GSDME: variants seen among roughly 807,000 people sequenced by gnomAD.
GSDME encodes gasdermin-E.
A neutral mutation model predicts 47.5 loss-of-function variants in GSDME; 44 were observed. The observed-to-expected ratio is 0.93, with a 90% CI of 0.73 to 1.19. The LOEUF (loss-of-function observed/expected upper bound fraction) is 1.19, where lower values mean the gene tolerates loss of function less well. Ranked by LOEUF, GSDME falls within the 50% of genes most tolerant of loss-of-function variation. The pLI, the probability that GSDME is intolerant of heterozygous loss-of-function variation, is 0.00. For missense variants in GSDME, 663 were observed against 604.2 expected, an observed-to-expected ratio of 1.10 and a Z score of -1.02; for synonymous variants, 258 against 252.8, an observed-to-expected ratio of 1.02 and a Z score of -0.20.
Position 24,717,294 on chromosome 7 carries a change from G to A in GSDME, c.657C>T (p.Tyr219=), listed in dbSNP as rs370243045. 1.4e-5 allele frequency: 23 copies of A among 1,613,438 alleles called. No individual in the cohort carries two copies. The highest frequency in any genetic ancestry group is 6.7e-5 in the African/African-American group (5 of 74,862). ...LEIPAATTIA[Y]GVIELYVKLD... ...GTTTCACGTATAACTCAATGACACC[G>A]TAGGCAATGGTGGTGGCAGCTGGGA... Residue 219 remains tyrosine (Y), a synonymous_variant, in exon 5 of 10, where the codon TAC becomes TAT. Coordinates refer to ENST00000645220, the MANE Select transcript of GSDME (RefSeq NM_001127453.2).
chr7:24,710,465 C>A (rs1789309112), intron 5 of GSDME, 77 bp from the exon 6 acceptor site: 1 of 1,425,622 alleles, frequency 7.0e-7, no homozygotes, highest in Admixed American at 1.7e-5. Flanking sequence ...AGGGTCAGCC[C>A]AGCCTTGATG....
intron 3 of GSDME, among the ~76,000 whole-genome samples, chr7:24,727,772 G>C (rs754181096): frequency 6.6e-5 from 10 of 152,198 alleles, no homozygotes; most frequent in Non-Finnish European, 1.5e-4. Flanking sequence ...TAAAATCCTG[G>C]AACACACACA....
chr7:24,704,221 T>C (rs1562685698), intron 8 of GSDME: 1 of 152,222 alleles, frequency 6.6e-6, no homozygotes, highest in Non-Finnish European at 1.5e-5. Context: ...ACTGAAATTA[T>C]TTTGATTGCT....
rs1202653209 is a variant in GSDME at position 24,701,201 on chromosome 7, C to T, written c.1257+1559G>A. 8.5e-5 allele frequency among the ~76,000 whole-genome samples: 13 copies of T among 152,254 alleles called. No homozygotes were observed. The East Asian group carries it at 2.5e-3, about 29-fold the overall frequency. On this transcript the variant is annotated intron_variant, in intron 9 of 9. Transcript: ENST00000645220. ...AAATTCCTTCAGGAGGCAGACACCT[C>T]GATGTCTTAAATAGAGCTATTGCAA...
At chr7:24,761,107 A>G (rs1295496268), upstream of GSDME, among the ~76,000 whole-genome samples, 1 of 152,218 alleles carries the variant, frequency 6.6e-6, no homozygotes, top group Non-Finnish European at 1.5e-5. This position sits in a 1 kb window ranked among gnomAD's most constrained non-coding sequence, Gnocchi z 4.4. Context: ...ACTTTACTAT[A>G]TCTCACAATT....
chr7:24,787,851 C>T, the GSDME span, among the ~76,000 whole-genome samples: 1 of 152,070 alleles, frequency 6.6e-6, no homozygotes, highest in South Asian at 2.1e-4. The surrounding 1 kb of genome is among the most constrained non-coding windows in gnomAD (Gnocchi z 5.0). Context: ...GGATTACAGG[C>T]ACGTGCCACC....
chr7:24,728,794 C>T lies in GSDME; in HGVS notation c.405-9576G>A, dbSNP rs2237317. On this transcript the variant is annotated intron_variant, in intron 3 of 9. Coordinates refer to ENST00000645220, the MANE Select transcript of GSDME (RefSeq NM_001127453.2). This position sits in a 1 kb window ranked among gnomAD's most constrained non-coding sequence, Gnocchi z 7.2. ...ACATCAGAGATGCTCAGCCCACAGCCGGGGGCAGGAAATCTCTAGAAACCT... is the reference window on the plus strand; with the variant it reads ...ACATCAGAGATGCTCAGCCCACAGCTGGGGGCAGGAAATCTCTAGAAACCT... Among the ~76,000 whole-genome samples the T allele has an allele frequency of 0.061, 9,236 of 152,258 alleles. 747 individuals are homozygous for T. The highest frequency in any genetic ancestry group is 0.25 in the East Asian group (1,320 of 5,180).
In GSDME at chr7:24,749,555, G is replaced by A; in HGVS notation, c.211+9C>T. Reference sequence around the variant, plus strand: ...AGACTAATTATAGAATATACCCAAGGAAACATACCTGGACTCGGAAATTGG... The same window carrying A: ...AGACTAATTATAGAATATACCCAAGAAAACATACCTGGACTCGGAAATTGG... On this transcript the variant is annotated intron_variant, in intron 2 of 9. Coordinates refer to ENST00000645220, the MANE Select transcript of GSDME (RefSeq NM_001127453.2). 1 of 1,602,438 alleles carries A rather than the reference G, an allele frequency of 6.2e-7. No homozygotes were observed. The highest frequency in any genetic ancestry group is 8.5e-7 in the Non-Finnish European group (1 of 1,171,154).
At chr7:24,775,590 AGC>A in the GSDME span, among the ~76,000 whole-genome samples, 1,146 of 152,206 alleles carry the variant, frequency 7.5e-3, 21 homozygotes, top group African/African-American at 0.026. Flanking sequence ...GCTAAGGGCC[AGC>A]GCGGTGGCTC....
chr7:24,698,659 C>G lies in GSDME; in HGVS notation c.*367G>C, dbSNP rs771701952. On this transcript the variant is annotated 3_prime_UTR_variant, in exon 10 of 10. Transcript: ENST00000645220. ...CACAGCATTCACAATGTAAAAAGACCTTTTGGATTAAAGGGTCAGACTCTT... is the reference window on the plus strand; with the variant it reads ...CACAGCATTCACAATGTAAAAAGACGTTTTGGATTAAAGGGTCAGACTCTT... The G allele has an allele frequency of 1.3e-5, 4 of 318,500 alleles. No homozygotes were observed. Among genetic ancestry groups the G allele is most frequent in the Non-Finnish European group, 2.4e-5 (4 of 165,714 alleles). 19.7% of individuals were successfully genotyped at this position (318,500 alleles called of 1,614,324 possible). A position where few individuals can be genotyped will look rare whatever the true frequency, so the allele number is the denominator to read the frequency against.
chr7:24,741,465 G>T (rs1790489487), intron 3 of GSDME, among the ~76,000 whole-genome samples: 1 of 152,104 alleles, frequency 6.6e-6, no homozygotes, highest in Admixed American at 6.5e-5. Context: ...CATTCAAAGG[G>T]GTCAGCTCCA....
chr7:24,708,292 A>G (rs776931811), intron 6 of GSDME, 38 bp from the exon 7 acceptor site: 11 of 1,612,910 alleles, frequency 6.8e-6, no homozygotes, highest in South Asian at 4.4e-5. Context: ...CATGACTGCG[A>G]TGCACATCTC....
rs1342234789 is a variant in GSDME at position 24,721,999 on chromosome 7, G to T, written c.405-2781C>A. On this transcript the variant is annotated intron_variant, in intron 3 of 9. Coordinates refer to ENST00000645220, the MANE Select transcript of GSDME (RefSeq NM_001127453.2). The surrounding 1 kb of genome is among the most constrained non-coding windows in gnomAD (Gnocchi z 4.1). The stretch of plus-strand genomic sequence containing the variant: ...CCCCCATCATGCTATCACACCCTAA[G>T]ATCACTTCTCTGGAGAGCACATTTC... Among the ~76,000 whole-genome samples the T allele has an allele frequency of 6.6e-6, 1 of 152,174 alleles. No homozygotes were observed. The highest frequency in any genetic ancestry group is 1.5e-5 in the Non-Finnish European group (1 of 68,040).
Position 24,744,247 on chromosome 7 carries a change from T to G in GSDME, c.404+315A>C. Reference sequence around the variant, plus strand: ...GTCATGACTTCCTGGCTTCTAAAGTTAATATTCAAAAATGCAGGACAGAGC... The same window carrying G: ...GTCATGACTTCCTGGCTTCTAAAGTGAATATTCAAAAATGCAGGACAGAGC... On this transcript the variant is annotated intron_variant, in intron 3 of 9. Transcript: ENST00000645220. The surrounding 1 kb of genome is among the most constrained non-coding windows in gnomAD (Gnocchi z 4.5). The G allele has an allele frequency of 2.9e-6, 1 of 339,390 alleles. No individual in the cohort carries two copies. The highest frequency in any genetic ancestry group is 5.5e-6 in the Non-Finnish European group (1 of 181,180). The allele number at this position is 339,390 out of a possible 1,614,324, so 21.0% of individuals were successfully genotyped here.
Position 24,728,042 on chromosome 7 carries a change from G to T in GSDME, c.405-8824C>A, listed in dbSNP as rs902411592. ...GGCTGTAACGGGAGGAAGAGACAGG[G>T]TGCACCCAGCCCTGCCAATGAGTCT... On this transcript the variant is annotated intron_variant, in intron 3 of 9. Transcript: ENST00000645220. The surrounding 1 kb of genome is among the most constrained non-coding windows in gnomAD (Gnocchi z 7.2). Among the ~76,000 whole-genome samples, 2 of 152,162 alleles carry T rather than the reference G, an allele frequency of 1.3e-5. No individual in the cohort carries two copies. Among genetic ancestry groups the T allele is most frequent in the Non-Finnish European group, 2.9e-5 (2 of 68,020 alleles).
At chr7:24,774,325 C>A in the GSDME span, among the ~76,000 whole-genome samples, 5 of 97,482 alleles carry the variant, frequency 5.1e-5, no homozygotes, top group African/African-American at 2.1e-4. Context: ...TCCTTCTTCC[C>A]TCCCTCCCTC....
At chr7:24,699,362 AGATG>A in intron 9 of GSDME, 103 bp from the exon 10 acceptor site, 1 of 819,848 alleles carries the variant, frequency 1.2e-6, no homozygotes. Context: ...AAACTTTTTG[AGATG>A]GAGTCTTGCT....
At chr7:24,710,961 ATC>A (rs1789331375) in intron 5 of GSDME, among the ~76,000 whole-genome samples, 3 of 152,238 alleles carry the variant, frequency 2.0e-5, no homozygotes, top group Admixed American at 6.5e-5. Context: ...TTCTCTCTGA[ATC>A]TGTTTCTACA....
rs530187766 is a variant in GSDME, at chr7:24,742,841, A to G, written c.404+1721T>C. ...AAATTTTCATTTCAGATAAATATCAAATACATTTCTAGTGTGTCCCAACAA... is the reference window on the plus strand; with the variant it reads ...AAATTTTCATTTCAGATAAATATCAGATACATTTCTAGTGTGTCCCAACAA... On this transcript the variant is annotated intron_variant, in intron 3 of 9. Coordinates refer to ENST00000645220, the MANE Select transcript of GSDME (RefSeq NM_001127453.2). The surrounding 1 kb of genome is among the most constrained non-coding windows in gnomAD (Gnocchi z 4.4). 6.6e-6 allele frequency among the ~76,000 whole-genome samples: 1 copy of G among 152,348 alleles called. No homozygotes were observed. Among genetic ancestry groups the G allele is most frequent in the South Asian group, 2.1e-4 (1 of 4,826 alleles).
Sources: gnomAD v4.1 joint callset for allele counts (sites outside exome capture counted in the v4.1 genomes callset) on GRCh38, gnomAD v4.1.1 for gene constraint, Gnocchi (gnomAD v3.1) non-coding constraint, MANE v1.5 for transcripts, NCBI Gene and HGNC (gene_info 2026-07-23, HGNC 2026-07-21) for gene names.